Variants in CTTN observed in about 807,000 individuals in gnomAD.
CTTN encodes cortactin, also known as src substrate cortactin.
In CTTN, 28 loss-of-function variants were observed where a neutral mutation model predicts 84.0. The observed-to-expected ratio is 0.33, with a 90% CI of 0.25 to 0.46. The LOEUF is 0.46. Among genes scored for constraint, CTTN ranks in the 20% least tolerant of loss-of-function variants. The pLI is 1.00. For synonymous variants in CTTN, 301 were observed against 288.8 expected (o/e 1.04, Z -0.43); for missense variants, 641 against 723.8 (o/e 0.89, Z 1.31).
At chr11:70,420,567 C>CGGG in intron 10 of CTTN, 57 bp downstream of exon 10, 1 of 1,292,248 alleles carries the variant, frequency 7.7e-7, no homozygotes, top group Non-Finnish European at 1.1e-6. Context: ...TTGTTCCTTG[C>CGGG]GGGGTCAGTT....
chr11:70,419,908 T>G (rs771894941), intron 9 of CTTN, 52 bp downstream of exon 9: 1 of 1,376,086 alleles, frequency 7.3e-7, no homozygotes, highest in African/African-American at 1.4e-5. Flanking sequence ...ATGTGACAGG[T>G]GGTAGCCACA....
chr11:70,411,245 G>C (rs1184214661), intron 5 of CTTN, among the ~76,000 whole-genome samples: 1 of 142,366 alleles, frequency 7.0e-6, no homozygotes, highest in Non-Finnish European at 1.5e-5. Context: ...TGTGCACACG[G>C]ACAGACGGAA....
At chr11:70,410,371 C>T (rs138263992) in intron 5 of CTTN, 209 of 181,652 alleles carry the variant, frequency 1.2e-3, no homozygotes, top group African/African-American at 4.6e-3. Context: ...ACAGCACACA[C>T]GGAATCCAGC....
intron 1 of CTTN, among the ~76,000 whole-genome samples, chr11:70,400,619 T>C (rs548364026): frequency 1.2e-4 from 18 of 152,348 alleles, no homozygotes; most frequent in African/African-American, 3.6e-4. Flanking sequence ...GATGGACTTG[T>C]TTTTAAAACA....
In CTTN at chr11:70,421,451, G is replaced by A. The variant is rs777057997; in HGVS notation, c.791-19G>A. 19 of 1,557,244 alleles carry A rather than the reference G, an allele frequency of 1.2e-5. No homozygotes were observed. In the East Asian group the frequency reaches 2.2e-4, roughly 18 times the overall value. On this transcript the variant is annotated intron_variant, in intron 10 of 17. Transcript: ENST00000301843. Reference sequence around the variant, plus strand: ...TCCTCTTTTGGTTGTTTTCCCCACCGTTGCTTGTGGATTTTCAGATTATAA... The same window carrying A: ...TCCTCTTTTGGTTGTTTTCCCCACCATTGCTTGTGGATTTTCAGATTATAA...
intron 5 of CTTN, chr11:70,410,181 G>A: frequency 2.1e-6 from 1 of 475,010 alleles, no homozygotes; most frequent in South Asian, 3.0e-5. Context: ...CTGGAGCACG[G>A]GTGTTAGTGG....
Position 70,436,225 on chromosome 11 carries a change from TCC to T in CTTN, c.*1068_*1069del. The T allele has an allele frequency of 6.3e-7, 1 of 1,579,826 alleles. No homozygotes were observed. Among genetic ancestry groups the T allele is most frequent in the Non-Finnish European group, 8.5e-7 (1 of 1,169,642 alleles). The stretch of plus-strand genomic sequence containing the variant: ...GATGAGTGTGTGTTCTTCCCCAAGG[TCC>T]CCCCACAGCTCCAGGACACCGCTGT... On this transcript the variant is annotated 3_prime_UTR_variant, in exon 18 of 18. Transcript: ENST00000301843.
intron 8 of CTTN, among the ~76,000 whole-genome samples, chr11:70,417,819 C>G (rs1294729155): frequency 6.6e-6 from 1 of 152,182 alleles, no homozygotes; most frequent in East Asian, 1.9e-4. Flanking sequence ...AGGGAACATT[C>G]TTGTACCTGT....
At chr11:70,428,153 CTTTTTTTTT>C (rs60189081) in intron 13 of CTTN, among the ~76,000 whole-genome samples, 55 of 62,624 alleles carry the variant, frequency 8.8e-4, no homozygotes, top group African/African-American at 2.2e-3. Context: ...TGTCTTCCCA[CTTTTTTTTT>C]TTTTTTTTTT....
At chr11:70,408,426 C>G (rs2058066484) in intron 4 of CTTN, 1 of 152,296 alleles carries the variant, frequency 6.6e-6, no homozygotes, top group Non-Finnish European at 1.5e-5. Context: ...GAGACAGGGT[C>G]TCACTCTGTC....
intron 5 of CTTN, 132 bp from the exon 6 acceptor site, chr11:70,414,410 C>T (rs936030521): frequency 2.1e-5 from 13 of 616,806 alleles, no homozygotes; most frequent in Non-Finnish European, 3.4e-5. Context: ...CCTTGGCTCC[C>T]CAGATGGGTG....
At chr11:70,414,012 G>A (rs1030514898) in intron 5 of CTTN, among the ~76,000 whole-genome samples, 2 of 152,174 alleles carry the variant, frequency 1.3e-5, no homozygotes, top group Non-Finnish European at 2.9e-5. Flanking sequence ...GGGTTCGTGT[G>A]CAGCTTCCAG....
intron 8 of CTTN, among the ~76,000 whole-genome samples, chr11:70,419,267 C>T (rs1429543261): frequency 2.0e-5 from 3 of 151,760 alleles, no homozygotes; most frequent in Non-Finnish European, 4.4e-5. Flanking sequence ...TGGGCCACCA[C>T]GCCCAGCTAA....
At chr11:70,414,722 G>T (rs898061504) in intron 6 of CTTN, 70 bp downstream of exon 6, 79 of 1,163,718 alleles carry the variant, frequency 6.8e-5, no homozygotes, top group Admixed American at 4.4e-4. Context: ...TCTGAGCCCT[G>T]TTGGGCCACT....
chr11:70,417,183 T>A (rs2058173787), intron 8 of CTTN, 60 bp downstream of exon 8: 6 of 1,255,558 alleles, frequency 4.8e-6, no homozygotes, highest in Non-Finnish European at 7.0e-6. Context: ...CACGAGGGCA[T>A]TTTCTCTCTG....
At position 70,427,086 on chromosome 11, in the gene CTTN, A is replaced by C. The variant is rs531742956; in HGVS notation, c.1027+1685A>C. Among the ~76,000 whole-genome samples the C allele has an allele frequency of 2.7e-3, 404 of 151,566 alleles. 2 individuals carry two copies. The highest frequency in any genetic ancestry group is 4.7e-3 in the Non-Finnish European group (318 of 67,888). On this transcript the variant is annotated intron_variant, in intron 13 of 17. Transcript: ENST00000301843. ...AAACCTTGGCCGGGTGTGGTGGCTCATACCTGTAATCCCAGCACTCTGGGA... is the reference window on the plus strand; with the variant it reads ...AAACCTTGGCCGGGTGTGGTGGCTCCTACCTGTAATCCCAGCACTCTGGGA...
chr11:70,432,159 G>A (rs1358972758), intron 15 of CTTN, among the ~76,000 whole-genome samples: 2 of 152,208 alleles, frequency 1.3e-5, no homozygotes, highest in African/African-American at 4.8e-5. Flanking sequence ...GCTGCCTGCT[G>A]CCTTTACCCT....
At chr11:70,425,051 AAGGCTTG>A (rs2058285856) in intron 12 of CTTN, among the ~76,000 whole-genome samples, 1 of 152,132 alleles carries the variant, frequency 6.6e-6, no homozygotes, top group South Asian at 2.1e-4. Flanking sequence ...GAGGGTGGGG[AAGGCTTG>A]AGGCTGATCC....
chr11:70,436,129 A>C lies in CTTN; in HGVS notation c.*967A>C. The C allele has an allele frequency of 7.0e-7, 1 of 1,435,844 alleles. No homozygotes were observed. Among genetic ancestry groups the C allele is most frequent in the Non-Finnish European group, 9.1e-7 (1 of 1,100,398 alleles). 88.9% of individuals were successfully genotyped at this position (1,435,844 alleles called of 1,614,324 possible). On this transcript the variant is annotated 3_prime_UTR_variant, in exon 18 of 18. Coordinates refer to ENST00000301843, the MANE Select transcript of CTTN (RefSeq NM_005231.4). ...ACCCTCCTCCTGTCAATGGGGGTGTAGTATTTTTGCCAAAATATCATGTTC... is the reference window on the plus strand; with the variant it reads ...ACCCTCCTCCTGTCAATGGGGGTGTCGTATTTTTGCCAAAATATCATGTTC...
Sources: gnomAD v4.1 joint callset for allele counts (sites outside exome capture counted in the v4.1 genomes callset) on GRCh38, gnomAD v4.1.1 for gene constraint, MANE v1.5 for transcripts, NCBI Gene and HGNC (gene_info 2026-07-23, HGNC 2026-07-21) for gene names.